Variants in WDR87 observed in about 807,000 individuals in gnomAD.
WDR87 encodes the protein WD repeat-containing protein 87.
In WDR87, 56 loss-of-function variants were observed where a neutral mutation model predicts 83.3. The observed-to-expected ratio is 0.67, with a 90% CI of 0.54 to 0.84. The LOEUF is 0.84. Among genes scored for constraint, WDR87 ranks in the 40% least tolerant of loss-of-function variants. WDR87 has a pLI of 0.00. For synonymous variants in WDR87, 1,173 were observed against 1,250.6 expected (o/e 0.94, Z 1.31); for missense variants, 2,939 against 3,431.9 (o/e 0.86, Z 3.59).
At chr19:37,896,512 G>A (rs1180655240) in intron 2 of WDR87, among the ~76,000 whole-genome samples, 1 of 152,142 alleles carries the variant, frequency 6.6e-6, no homozygotes, top group East Asian at 1.9e-4. Context: ...ATGCATGAGG[G>A]AACACAACCC....
In WDR87 at chr19:37,894,306, TG is replaced by T. The variant is rs1183734858; in HGVS notation, c.1396del (p.His466IlefsTer8). 1 of 1,551,698 alleles carries T rather than the reference TG, an allele frequency of 6.4e-7. No individual in the cohort carries two copies. The highest frequency in any genetic ancestry group is 2.0e-5 in the Admixed American group (1 of 50,986). On this transcript the variant is annotated frameshift_variant, in exon 4 of 6. Transcript: ENST00000447313. LOFTEE classifies it high-confidence loss of function. ...CTCTAGACCCCGCCCCAAGTTGAAA[TG>T]CCCATAAGCCAGGCATTGTACAAAG... ...QDFVQCLAYG[H>X]FNLGRGLEGL...
chr19:37,893,064 T>A lies in WDR87; in HGVS notation c.2639A>T (p.Lys880Met), dbSNP rs1233607701. Residue 880 changes from lysine (K) to methionine (M), a missense_variant, in exon 4 of 6, where the codon AAG becomes ATG. Lys to Met is a moderately conservative substitution (Grantham distance 95). This residue lies in a region of WDR87 where 2,160 missense variants were observed against 2,533.1 expected (regional missense o/e 0.85). Transcript: ENST00000447313. ...TTCTAGGAAGTGTTCATCCTCCTCC[T>A]TATTCTTTGGATATTCTGTATTACT... The part of the protein sequence containing the change: ...AISNTEYPKN[K>M]EEDEHFLEMR... The A allele has an allele frequency of 6.4e-7, 1 of 1,551,674 alleles. No homozygotes were observed. Among genetic ancestry groups the A allele is most frequent in the Non-Finnish European group, 8.7e-7 (1 of 1,147,020 alleles).
At position 37,892,877 on chromosome 19, in the gene WDR87, A is replaced by G; in HGVS notation, c.2826T>C (p.Gly942=). The part of the protein sequence containing the change: ...ASLLKYQCCV[G]ALGQIFASYQ... ...AAGAGGCAAAGATTTGCCCTAGTGC[A>G]CCAACACAGCACTGGTACTTCAGCA... The change falls in exon 4 of 6, where the codon GGT becomes GGC. Residue 942 remains glycine (G), a synonymous_variant. Transcript: ENST00000447313. 1.3e-6 allele frequency: 2 copies of G among 1,551,998 alleles called. No individual in the cohort carries two copies. Among genetic ancestry groups the G allele is most frequent in the Non-Finnish European group, 8.7e-7 (1 of 1,147,052 alleles).
In WDR87 at chr19:37,892,553, AGAATT is replaced by A; in HGVS notation, c.3125+20_3125+24del. On this transcript the variant is annotated intron_variant, in intron 4 of 5. Coordinates refer to ENST00000447313, the MANE Select transcript of WDR87 (RefSeq NM_001291088.2). ...AGGGGGAAAATGGCGAATGGGGTGA[AGAATT>A]GAAGGAAGCACAAACTTACTGCATC... is the stretch of plus-strand genomic sequence containing the variant. The A allele has an allele frequency of 6.9e-7, 1 of 1,459,432 alleles. No individual in the cohort carries two copies. The highest frequency in any genetic ancestry group is 2.5e-5 in the East Asian group (1 of 39,976). The allele number at this position is 1,459,432 out of a possible 1,614,324, so 90.4% of individuals were successfully genotyped here. A position where few individuals can be genotyped will look rare whatever the true frequency, so the allele number is the denominator to read the frequency against.
chr19:37,906,623 G>T (rs551189252), upstream of WDR87: 11 of 152,080 alleles, frequency 7.2e-5, no homozygotes, highest in African/African-American at 1.9e-4. Flanking sequence ...CAGAACGGTT[G>T]GCCCCCAACC....
At chr19:37,897,830 G>A (rs1460409163) in intron 2 of WDR87, among the ~76,000 whole-genome samples, 1 of 152,186 alleles carries the variant, frequency 6.6e-6, no homozygotes, top group Non-Finnish European at 1.5e-5. Context: ...TGAGGTTGCA[G>A]TGGGCCGAGA....
chr19:37,887,396 G>A lies in WDR87; in HGVS notation c.6275C>T (p.Ala2092Val). 6.4e-7 allele frequency: 1 copy of A among 1,551,538 alleles called. No individual in the cohort carries two copies. The highest frequency in any genetic ancestry group is 8.7e-7 in the Non-Finnish European group (1 of 1,146,972). ...TTTAATCAACTTCCTTGAAGCCTTG[G>A]CTAACTTTCTTTGCCCCTGGACAAA... Reference protein sequence around the residue: ...RIFVQGQRKLAKASRKLIKKR... With the variant: ...RIFVQGQRKLVKASRKLIKKR... Residue 2092 changes from alanine to valine, a missense_variant, in exon 6 of 6, where the codon GCC becomes GTC. Physicochemically the swap from Ala to Val is moderately conservative, Grantham distance 64. This residue lies in a region of WDR87 where 2,160 missense variants were observed against 2,533.1 expected (regional missense o/e 0.85). Coordinates refer to ENST00000447313, the MANE Select transcript of WDR87 (RefSeq NM_001291088.2).
At position 37,898,287 on chromosome 19, in the gene WDR87, T is replaced by C; in HGVS notation, c.-46-2A>G. On this transcript the variant is annotated splice_acceptor_variant, in intron 1 of 5. Coordinates refer to ENST00000447313, the MANE Select transcript of WDR87 (RefSeq NM_001291088.2). LOFTEE classifies it low-confidence loss of function (5UTR_SPLICE). The stretch of plus-strand genomic sequence containing the variant: ...TCCTGAGGACTGTTGCTTAAAAACC[T>C]GTGGGAATCCAAAAGAGCCCAGCTT... 1 of 1,539,450 alleles carries C rather than the reference T, an allele frequency of 6.5e-7. No homozygotes were observed.
In WDR87 at chr19:37,888,649, A is replaced by C. The variant is rs1326746410; in HGVS notation, c.5022T>G (p.Gly1674=). 1.3e-6 allele frequency: 2 copies of C among 1,549,996 alleles called. No individual in the cohort carries two copies. Among genetic ancestry groups the C allele is most frequent in the Non-Finnish European group, 1.7e-6 (2 of 1,146,532 alleles). ...QDDREMAQAE[G]KFAQKEETLA... is the part of the protein sequence containing the mutation. ...GTGTTTCCTCTTTCTGGGCAAACTT[A>C]CCCTCTGCCTGGGCCATTTCCCTGT... The change falls in exon 6 of 6, where the codon GGT becomes GGG. Residue 1674 remains glycine, a synonymous_variant. Transcript: ENST00000447313.
At position 37,884,883 on chromosome 19, in the gene WDR87, C is replaced by G. The variant is rs569712597; in HGVS notation, c.*49G>C. 1.6e-6 allele frequency: 2 copies of G among 1,262,042 alleles called. No homozygotes were observed. The highest frequency in any genetic ancestry group is 3.8e-5 in the South Asian group (1 of 26,560). The allele number at this position is 1,262,042 out of a possible 1,614,324, so 78.2% of individuals were successfully genotyped here. A position where few individuals can be genotyped will look rare whatever the true frequency, so the allele number is the denominator to read the frequency against. On this transcript the variant is annotated 3_prime_UTR_variant, in exon 6 of 6. Coordinates refer to ENST00000447313, the MANE Select transcript of WDR87 (RefSeq NM_001291088.2). ...GAAGGTCTAGATCCTGGTAATTAGG[C>G]CTTTCTCCAGTTGGCAATGAAAAGT...
Position 37,888,262 on chromosome 19 carries a change from A to G in WDR87, c.5409T>C (p.Ser1803=). 3 of 1,550,292 alleles carry G rather than the reference A, an allele frequency of 1.9e-6. No individual in the cohort carries two copies. Among genetic ancestry groups the G allele is most frequent in the African/African-American group, 1.4e-5 (1 of 72,586 alleles). The change falls in exon 6 of 6, where the codon TCT becomes TCC. Residue 1803 remains serine (S), a synonymous_variant. Transcript: ENST00000447313. ...CCTGGGCCAGTTTTGTCTCTTCTTC[A>G]GACAGTTTCTCCCTTTGCCAGGCCA... ...EALAWQREKL[S]EEETKLAQEE...
rs2046175668 is a variant in WDR87, at chr19:37,888,782, T to C, written c.4889A>G (p.Glu1630Gly). The C allele has an allele frequency of 1.9e-6, 3 of 1,551,722 alleles. No individual in the cohort carries two copies. The highest frequency in any genetic ancestry group is 1.4e-5 in the African/African-American group (1 of 73,018). Reference sequence around the variant, plus strand: ...TTCTTCTTGTGCTAATTTCCTCTCTTCTTGGGCTCGTTTTTTTTCAGCTCG... The same window carrying C: ...TTCTTCTTGTGCTAATTTCCTCTCTCCTTGGGCTCGTTTTTTTTCAGCTCG... Reference protein sequence around the residue: ...RARAEKKRAQEERKLAQEEEK... With the variant: ...RARAEKKRAQGERKLAQEEEK... The change falls in exon 6 of 6, where the codon GAA (glutamate) becomes GGA (glycine). Residue 1630 changes from glutamate to glycine, a missense_variant. This residue lies in a region of WDR87 where 2,160 missense variants were observed against 2,533.1 expected (regional missense o/e 0.85). Transcript: ENST00000447313.
Position 37,894,142 on chromosome 19 carries a change from C to T in WDR87, c.1561G>A (p.Gly521Arg). Residue 521 changes from glycine to arginine, a missense_variant, in exon 4 of 6, where the codon GGA (glycine) becomes AGA (arginine). Transcript: ENST00000447313. The stretch of plus-strand genomic sequence containing the variant: ...CCATAGGAACAGAGCAGAGAGTTTC[C>T]TTGGCCACCAAAAATCCCTCCAGAC... ...TLSGGIFGGQGNSLLCSYGMD... is the reference protein window; with the variant it reads ...TLSGGIFGGQRNSLLCSYGMD... 1 of 1,552,324 alleles carries T rather than the reference C, an allele frequency of 6.4e-7. No individual in the cohort carries two copies. Among genetic ancestry groups the T allele is most frequent in the Non-Finnish European group, 8.7e-7 (1 of 1,147,128 alleles).
At position 37,903,134 on chromosome 19, in the gene WDR87, A is replaced by G. The variant is rs1330086704; in HGVS notation, c.-47+3365T>C. On this transcript the variant is annotated intron_variant, in intron 1 of 5. Transcript: ENST00000447313. ...GCCACACTGTGAGACAGGGCCCTGCATGGATTATATAACCTTGCAGGTGGT... is the reference window on the plus strand; with the variant it reads ...GCCACACTGTGAGACAGGGCCCTGCGTGGATTATATAACCTTGCAGGTGGT... Among the ~76,000 whole-genome samples the G allele has an allele frequency of 2.6e-5, 4 of 152,168 alleles. No individual in the cohort carries two copies. The South Asian group carries it at 6.2e-4, about 24-fold the overall frequency.
rs1274116885 is a variant in WDR87, at chr19:37,885,308, G to C, written c.8363C>G (p.Ala2788Gly). The part of the protein sequence containing the change: ...LQQRYPKDST[A>G]WMEQFYQLMD... ...GAGCTGGTAGAACTGTTCCATCCAA[G>C]CAGTGCTGTCTTTTGGATATCGCTG... Residue 2788 changes from alanine to glycine, a missense_variant, in exon 6 of 6, where the codon GCT becomes GGT. This residue lies in a region of WDR87 where 2,160 missense variants were observed against 2,533.1 expected (regional missense o/e 0.85). Transcript: ENST00000447313. 1 of 1,550,858 alleles carries C rather than the reference G, an allele frequency of 6.4e-7. No homozygotes were observed. Among genetic ancestry groups the C allele is most frequent in the South Asian group, 1.2e-5 (1 of 83,944 alleles).
At position 37,887,160 on chromosome 19, in the gene WDR87, G is replaced by T; in HGVS notation, c.6511C>A (p.Leu2171Met). ...EWDFSEKRSELTKDEKKLARK... is the reference protein window; with the variant it reads ...EWDFSEKRSEMTKDEKKLARK... The stretch of plus-strand genomic sequence containing the variant: ...GCCAGTTTCTTCTCATCTTTAGTCA[G>T]TTCTGATCGTTTTTCAGAAAAATCC... The change falls in exon 6 of 6, where the codon CTG (leucine) becomes ATG (methionine). Residue 2171 changes from leucine to methionine, a missense_variant. By Grantham distance (15) the Leu-to-Met change is conservative (BLOSUM62 2). This residue lies in a region of WDR87 where 2,160 missense variants were observed against 2,533.1 expected (regional missense o/e 0.85). Transcript: ENST00000447313. The T allele has an allele frequency of 6.4e-7, 1 of 1,551,380 alleles. No individual in the cohort carries two copies.
rs1248463953 is a variant in WDR87 at position 37,887,691 on chromosome 19, C to A, written c.5980G>T (p.Asp1994Tyr). Residue 1994 changes from aspartate to tyrosine, a missense_variant, in exon 6 of 6, where the codon GAT becomes TAT. Transcript: ENST00000447313. ...QGKKRLRGEL[D>Y]IAKEEKALNL... is the part of the protein sequence containing the mutation. ...AATGCCTTTTCTTCCTTAGCAATATCCAACTCTCCTCTGAGCCGTTTCTTT... is the reference window on the plus strand; with the variant it reads ...AATGCCTTTTCTTCCTTAGCAATATACAACTCTCCTCTGAGCCGTTTCTTT... The A allele has an allele frequency of 5.8e-6, 9 of 1,552,296 alleles. No homozygotes were observed. Among genetic ancestry groups the A allele is most frequent in the African/African-American group, 1.4e-5 (1 of 73,158 alleles).
chr19:37,892,100 A>G (rs80174243), intron 4 of WDR87, among the ~76,000 whole-genome samples: 36 of 152,304 alleles, frequency 2.4e-4, no homozygotes, highest in African/African-American at 8.7e-4. Flanking sequence ...TGGAGAAAGG[A>G]GTGAGCAGGC....
chr19:37,899,399 A>C (rs191171745), intron 1 of WDR87, among the ~76,000 whole-genome samples: 18 of 130,038 alleles, frequency 1.4e-4, no homozygotes, highest in African/African-American at 5.0e-4. Flanking sequence ...AGCCTGGGAA[A>C]GAGTGAGACT....
Sources: gnomAD v4.1 joint callset for allele counts (sites outside exome capture counted in the v4.1 genomes callset) on GRCh38, gnomAD v4.1.1 for gene constraint, gnomAD v4.1.1 regional missense constraint, MANE v1.5 for transcripts, NCBI Gene and HGNC (gene_info 2026-07-23, HGNC 2026-07-21) for gene names.